AGRN: variants seen among roughly 807,000 people sequenced by gnomAD.
AGRN encodes agrin proteoglycan.
A neutral mutation model predicts 211.0 loss-of-function variants in AGRN; 106 were observed. The observed-to-expected ratio is 0.50, with a 90% CI of 0.43 to 0.59. The LOEUF (loss-of-function observed/expected upper bound fraction) is 0.59. Ranked by LOEUF, AGRN falls within the 20% of genes least tolerant of loss-of-function variation. AGRN has a pLI of 0.00. For missense variants in AGRN, 3,040 were observed against 2,982.6 expected, an observed-to-expected ratio of 1.02 and a Z score of -0.45; for synonymous variants, 1,525 against 1,332.5, an observed-to-expected ratio of 1.14 and a Z score of -3.15.
intron 2 of AGRN, among the ~76,000 whole-genome samples, chr1:1,029,628 C>CGT (rs548115072): frequency 0.48 from 44,703 of 93,796 alleles, 14,361 homozygotes; most frequent in East Asian, 0.8. Context: ...GTGAGATCAG[C>CGT]ATGTGTGTGT....
At position 1,051,565 on chromosome 1, in the gene AGRN, A is replaced by G. The variant is rs753473191; in HGVS notation, c.5483A>G (p.Asn1828Ser). 41 of 1,589,590 alleles carry G rather than the reference A, an allele frequency of 2.6e-5. No homozygotes were observed. The highest frequency in any genetic ancestry group is 1.8e-4 in the East Asian group (8 of 44,156). Residue 1828 changes from asparagine (N) to serine (S), a missense_variant, in exon 32 of 36, where the codon AAT becomes AGT. Around this residue, in one of 3 missense-constraint regions of AGRN, gnomAD observed 1,537 missense variants for 1,505.0 expected, o/e 1.02. Transcript: ENST00000379370. Reference sequence around the variant, plus strand: ...CGGGCCTCAGGCCACCCCTGCCTCAATGGGGCCTCCTGCGTCCCGAGGGAG... The same window carrying G: ...CGGGCCTCAGGCCACCCCTGCCTCAGTGGGGCCTCCTGCGTCCCGAGGGAG... ...CTRASGHPCL[N>S]GASCVPREAA...
At position 1,043,730 on chromosome 1, in the gene AGRN, G is replaced by A. The variant is rs1277483777; in HGVS notation, c.1796G>A (p.Cys599Tyr). 2 of 1,601,290 alleles carry A rather than the reference G, an allele frequency of 1.2e-6. No individual in the cohort carries two copies. Among genetic ancestry groups the A allele is most frequent in the Non-Finnish European group, 1.7e-6 (2 of 1,179,784 alleles). Residue 599 changes from cysteine to tyrosine, a missense_variant and splice_region_variant, in exon 9 of 36, where the codon TGT (cysteine) becomes TAT (tyrosine). Cys to Tyr is a radical substitution (Grantham distance 194, BLOSUM62 -2). This residue lies in a region of AGRN where 1,498 missense variants were observed against 1,457.8 expected (regional missense o/e 1.03). Coordinates refer to ENST00000379370, the MANE Select transcript of AGRN (RefSeq NM_198576.4). ...ISLHVASAGP[C>Y]ETCGDAVCAF... ...CTGCACGTGGCCTCAGCTGGACCCT[G>A]TGGTGAGTGAGGCCCTGGGGCCGGG...
At chr1:1,034,106 T>C (rs1017995188) in intron 2 of AGRN, 22 of 985,050 alleles carry the variant, frequency 2.2e-5, no homozygotes, top group Non-Finnish European at 2.3e-5. Context: ...CCCTCCTGCC[T>C]GCCCGCTCCT....
rs1644938477 is a variant in AGRN, at chr1:1,041,556, T to C, written c.1031T>C (p.Leu344Pro). The C allele has an allele frequency of 2.5e-6, 4 of 1,608,634 alleles. No homozygotes were observed. In the East Asian group the frequency reaches 6.7e-5, roughly 27 times the overall value. ...NPRTRRPEML[L>P]RPESCPARQA... ...CGCACGCGGCGCCCTGAGATGCTCCTACGGCCCGAGAGCTGCCCTGCCCGG... is the reference window on the plus strand; with the variant it reads ...CGCACGCGGCGCCCTGAGATGCTCCCACGGCCCGAGAGCTGCCCTGCCCGG... The change falls in exon 6 of 36, where the codon CTA (leucine) becomes CCA (proline). Residue 344 changes from leucine to proline, a missense_variant. Transcript: ENST00000379370.
In AGRN at chr1:1,046,097, T is replaced by C. The variant is rs760075991; in HGVS notation, c.2805+9T>C. ...AGGCCAACGCTACCAAGGTGAGGGG[T>C]GTGGGATGTGAAGGGGAGTGGGGAG... On this transcript the variant is annotated intron_variant, in intron 16 of 35. Coordinates refer to ENST00000379370, the MANE Select transcript of AGRN (RefSeq NM_198576.4). The C allele has an allele frequency of 4.1e-5, 66 of 1,613,676 alleles. No homozygotes were observed. The highest frequency in any genetic ancestry group is 4.7e-5 in the Non-Finnish European group (56 of 1,179,960).
Position 1,049,916 on chromosome 1 carries a change from C to A in AGRN, c.4758C>A (p.Ala1586=). The A allele has an allele frequency of 6.2e-7, 1 of 1,610,128 alleles. No homozygotes were observed. Residue 1586 remains alanine, a synonymous_variant, in exon 27 of 36, where the codon GCC becomes GCA. Coordinates refer to ENST00000379370, the MANE Select transcript of AGRN (RefSeq NM_198576.4). ...TCCTCCATCCAGGACCAACCTGTGCCGATGAGAAGAGCCCCTGCCAGCCCA... is the reference window on the plus strand; with the variant it reads ...TCCTCCATCCAGGACCAACCTGTGCAGATGAGAAGAGCCCCTGCCAGCCCA... ...CPPGRVGPTC[A]DEKSPCQPNP...
At chr1:1,051,107 C>T in intron 30 of AGRN, 146 bp from the exon 31 acceptor site, 1 of 1,543,106 alleles carries the variant, frequency 6.5e-7, no homozygotes, top group South Asian at 1.2e-5. Context: ...AGCTCCTCCC[C>T]CACTAAGGAC....
In AGRN at chr1:1,049,259, C is replaced by G; in HGVS notation, c.4322C>G (p.Ala1441Gly). 1 of 1,589,312 alleles carries G rather than the reference C, an allele frequency of 6.3e-7. No homozygotes were observed. The highest frequency in any genetic ancestry group is 1.3e-5 in the African/African-American group (1 of 74,616). ...QLRFDTGSGPAVLTSAVPVEP... is the reference protein window; with the variant it reads ...QLRFDTGSGPGVLTSAVPVEP... ...AGGTTTGACACAGGTTCGGGGCCGGCGGTGCTGACCAGTGCCGTGCCGGTA... is the reference window on the plus strand; with the variant it reads ...AGGTTTGACACAGGTTCGGGGCCGGGGGTGCTGACCAGTGCCGTGCCGGTA... Residue 1441 changes from alanine to glycine, a missense_variant, in exon 25 of 36, where the codon GCG (alanine) becomes GGG (glycine). Ala to Gly is a moderately conservative substitution (Grantham distance 60). Coordinates refer to ENST00000379370, the MANE Select transcript of AGRN (RefSeq NM_198576.4).
Position 1,034,371 on chromosome 1 carries a change from C to T in AGRN, c.464-906C>T, listed in dbSNP as rs966596393. The T allele has an allele frequency of 1.4e-5, 14 of 985,396 alleles. No individual in the cohort carries two copies. The African/African-American group carries it at 1.9e-4, about 14-fold the overall frequency. The allele number at this position is 985,396 out of a possible 1,614,324, so 61.0% of individuals were successfully genotyped here. On this transcript the variant is annotated intron_variant, in intron 2 of 35. Coordinates refer to ENST00000379370, the MANE Select transcript of AGRN (RefSeq NM_198576.4). ...AATTCTGCCCTCCTCCCACGATGAG[C>T]CTGGAGGACTGGAGCCGGGACCTGG... is the stretch of plus-strand genomic sequence containing the variant.
intron 18 of AGRN, 42 bp downstream of exon 18, chr1:1,046,777 G>A (rs539567987): frequency 8.9e-6 from 14 of 1,572,358 alleles, no homozygotes; most frequent in African/African-American, 4.0e-5. Flanking sequence ...GGCAGGCGCC[G>A]AGAGGCTCCA....
At chr1:1,034,779 G>A (rs1275596005) in intron 2 of AGRN, 3 of 966,038 alleles carry the variant, frequency 3.1e-6, no homozygotes, top group African/African-American at 3.5e-5. Flanking sequence ...GCTGGAGGCC[G>A]CGGCGGGTCC....
At position 1,048,831 on chromosome 1, in the gene AGRN, G is replaced by A; in HGVS notation, c.4106-36G>A. The A allele has an allele frequency of 6.6e-7, 1 of 1,516,012 alleles. No homozygotes were observed. Among genetic ancestry groups the A allele is most frequent in the Non-Finnish European group, 8.8e-7 (1 of 1,133,756 alleles). The allele number at this position is 1,516,012 out of a possible 1,614,324, so 93.9% of individuals were successfully genotyped here. ...GGGATAAAAGTGGGGAATCCTCGGA[G>A]CTTTTCCAGCCGGCCCTCCCGGTCG... is the stretch of plus-strand genomic sequence containing the variant. On this transcript the variant is annotated intron_variant, in intron 23 of 35. Transcript: ENST00000379370. The surrounding 1 kb of genome is among the most constrained non-coding windows in gnomAD (Gnocchi z 5.9).
In AGRN at chr1:1,042,048, G is replaced by A. The variant is rs749107102; in HGVS notation, c.1270G>A (p.Ala424Thr). ...CTGCGACCGCGTCACCTGTGACGGGGCCTACAGGCCCGTGTGTGCCCAGGA... is the reference window on the plus strand; with the variant it reads ...CTGCGACCGCGTCACCTGTGACGGGACCTACAGGCCCGTGTGTGCCCAGGA... ...CSCDRVTCDG[A>T]YRPVCAQDGR... The change falls in exon 7 of 36, where the codon GCC (alanine) becomes ACC (threonine). Residue 424 changes from alanine (A) to threonine (T), a missense_variant. This residue lies in a region of AGRN where 1,498 missense variants were observed against 1,457.8 expected (regional missense o/e 1.03). Coordinates refer to ENST00000379370, the MANE Select transcript of AGRN (RefSeq NM_198576.4). 6.2e-6 allele frequency: 10 copies of A among 1,608,692 alleles called. No homozygotes were observed. The highest frequency in any genetic ancestry group is 7.6e-6 in the Non-Finnish European group (9 of 1,179,542).
chr1:1,041,943 C>T lies in AGRN; in HGVS notation c.1178-13C>T, dbSNP rs374573228. 6.2e-6 allele frequency: 10 copies of T among 1,611,138 alleles called. No individual in the cohort carries two copies. Among genetic ancestry groups the T allele is most frequent in the Admixed American group, 1.7e-5 (1 of 59,970 alleles). On this transcript the variant is annotated splice_polypyrimidine_tract_variant and intron_variant, in intron 6 of 35. Transcript: ENST00000379370. Reference sequence around the variant, plus strand: ...TCCAGCCTCTCCGTGACTCCCTCACCCCTGCGTCCTAGACCAGTGCCCGGA... The same window carrying T: ...TCCAGCCTCTCCGTGACTCCCTCACTCCTGCGTCCTAGACCAGTGCCCGGA...
Position 1,047,768 on chromosome 1 carries a change from C to T in AGRN, c.3632-8C>T. 1 of 1,608,908 alleles carries T rather than the reference C, an allele frequency of 6.2e-7. No homozygotes were observed. The highest frequency in any genetic ancestry group is 8.5e-7 in the Non-Finnish European group (1 of 1,178,308). On this transcript the variant is annotated splice_region_variant and splice_polypyrimidine_tract_variant and intron_variant, in intron 21 of 35. Transcript: ENST00000379370. The stretch of plus-strand genomic sequence containing the variant: ...GCTCTGCCATGCTCAGAGCTCCCTC[C>T]TCCCCAGCCACAGCCTTCAGGGCAC...
At chr1:1,051,007 A>G (rs767266049) in intron 30 of AGRN, 170 bp downstream of exon 30, 164 of 1,549,078 alleles carry the variant, frequency 1.1e-4, no homozygotes, top group Non-Finnish European at 1.4e-4. Context: ...TCGCTCTGCA[A>G]CCCCACCCGC....
intron 2 of AGRN, among the ~76,000 whole-genome samples, chr1:1,023,018 G>A (rs1469828640): frequency 2.6e-5 from 4 of 152,250 alleles, no homozygotes; most frequent in East Asian, 3.8e-4. Flanking sequence ...GGTGGGGGCA[G>A]AAATCCCATG....
intron 19 of AGRN, 109 bp from the exon 20 acceptor site, chr1:1,047,218 A>G (rs1012713313): frequency 2.0e-6 from 3 of 1,500,902 alleles, no homozygotes; most frequent in African/African-American, 2.8e-5. Context: ...CCATCTGACT[A>G]ACATCCACCT....
At chr1:1,052,237 T>G (rs1645316490) in intron 33 of AGRN, 1 of 403,134 alleles carries the variant, frequency 2.5e-6, no homozygotes, top group Non-Finnish European at 4.7e-6. Flanking sequence ...CCCCCACCAC[T>G]GAGGCTGTAC....
Sources: allele counts gnomAD v4.1 joint callset (sites outside exome capture counted in the v4.1 genomes callset), GRCh38; gene constraint gnomAD v4.1.1; regional missense constraint gnomAD v4.1.1; non-coding constraint Gnocchi (gnomAD v3.1); transcripts MANE v1.5; gene names NCBI Gene and HGNC (gene_info 2026-07-23, HGNC 2026-07-21).